PALS2: variants seen among roughly 807,000 people sequenced by gnomAD.
PALS2 encodes the protein protein PALS2.
Under a neutral mutation model 61.6 loss-of-function variants are expected in PALS2, and 27 were observed. That is an observed-to-expected ratio of 0.44 (90% CI 0.32 to 0.60). The LOEUF (loss-of-function observed/expected upper bound fraction) is 0.60. PALS2 is among the 20% of genes least tolerant of loss of function. The pLI, the probability that PALS2 is intolerant of heterozygous loss-of-function variation, is 0.05. For missense variants in PALS2, 554 were observed against 639.4 expected, an observed-to-expected ratio of 0.87 and a Z score of 1.44; for synonymous variants, 236 against 218.6, an observed-to-expected ratio of 1.08 and a Z score of -0.70.
intron 1 of PALS2, among the ~76,000 whole-genome samples, chr7:24,607,381 T>C (rs1244593820): frequency 1.3e-5 from 2 of 152,004 alleles, no homozygotes; most frequent in African/African-American, 4.8e-5. Context: ...TATGACAGTA[T>C]CTGACAATTG....
chr7:24,651,161 T>C (rs1308445186), intron 5 of PALS2, among the ~76,000 whole-genome samples: 1 of 152,228 alleles, frequency 6.6e-6, no homozygotes, highest in African/African-American at 2.4e-5. Context: ...CTTGGACCCC[T>C]GGTTTGCACA....
intron 1 of PALS2, among the ~76,000 whole-genome samples, chr7:24,607,180 T>G (rs577905491): frequency 6.6e-6 from 1 of 152,188 alleles, no homozygotes; most frequent in African/African-American, 2.4e-5. Context: ...TTAAAAATAC[T>G]ACATTGGGGA....
Position 24,681,464 on chromosome 7 carries a change from A to G in PALS2, c.1446+944A>G, listed in dbSNP as rs543766439. Among the ~76,000 whole-genome samples, 7 of 152,296 alleles carry G rather than the reference A, an allele frequency of 4.6e-5. No homozygotes were observed. In the East Asian group the frequency reaches 1.3e-3, roughly 29 times the overall value. ...TTTAAAACATACCATTAATACAACA[A>G]AAATTAATAAGCAGTATCTTACTAT... On this transcript the variant is annotated intron_variant, in intron 11 of 11. Coordinates refer to ENST00000222644, the MANE Select transcript of PALS2 (RefSeq NM_001303037.2).
At chr7:24,614,528 G>T (rs1173716645) in intron 1 of PALS2, among the ~76,000 whole-genome samples, 1 of 151,768 alleles carries the variant, frequency 6.6e-6, no homozygotes. Flanking sequence ...TAGTAAAAGG[G>T]TAAATTAAGC....
At chr7:24,673,270 C>T (rs6945926) in intron 9 of PALS2, among the ~76,000 whole-genome samples, 3,575 of 151,892 alleles carry the variant, frequency 0.024, 164 homozygotes, top group African/African-American at 0.082. Context: ...TATGATGTGC[C>T]GTCTTTTTTT....
chr7:24,591,519 A>T (rs1402497585), intron 1 of PALS2, among the ~76,000 whole-genome samples: 1 of 152,180 alleles, frequency 6.6e-6, no homozygotes, highest in Non-Finnish European at 1.5e-5. Context: ...AATACTAAGA[A>T]TTAGAGTACA....
intron 2 of PALS2, among the ~76,000 whole-genome samples, chr7:24,638,369 C>T (rs1203557442): frequency 2.8e-4 from 3 of 10,806 alleles, no homozygotes; most frequent in African/African-American, 3.8e-3. Context: ...CTCGCTCTGT[C>T]GCCCAGGCTG....
At chr7:24,644,025 C>T (rs1785697444) in intron 3 of PALS2, among the ~76,000 whole-genome samples, 3 of 151,176 alleles carry the variant, frequency 2.0e-5, no homozygotes, top group African/African-American at 7.3e-5. Flanking sequence ...AAATTCTGTT[C>T]TCTATCAACC....
intron 1 of PALS2, among the ~76,000 whole-genome samples, chr7:24,613,538 A>T (rs1784186851): frequency 6.6e-6 from 1 of 151,880 alleles, no homozygotes; most frequent in Admixed American, 6.6e-5. Context: ...TTTAGTGATC[A>T]GATCAGGATA....
At chr7:24,628,680 A>G (rs571299057) in intron 2 of PALS2, among the ~76,000 whole-genome samples, 2 of 152,340 alleles carry the variant, frequency 1.3e-5, no homozygotes, top group South Asian at 2.1e-4. Context: ...AAAAATCCCA[A>G]GCATTCCTAT....
At chr7:24,672,747 C>T (rs1291237451) in intron 9 of PALS2, among the ~76,000 whole-genome samples, 1 of 151,942 alleles carries the variant, frequency 6.6e-6, no homozygotes, top group Non-Finnish European at 1.5e-5. Context: ...TGTGTGTTGG[C>T]TTTGTCTTTT....
chr7:24,628,653 A>G (rs10250011), intron 2 of PALS2, among the ~76,000 whole-genome samples: 20,283 of 152,240 alleles, frequency 0.13, 1,666 homozygotes, highest in Admixed American at 0.24. Context: ...AAGTCTCAGG[A>G]TACAAAATCA....
intron 3 of PALS2, 64 bp downstream of exon 3, chr7:24,641,932 C>G (rs1265362842): frequency 1.1e-5 from 16 of 1,507,030 alleles, no homozygotes; most frequent in Non-Finnish European, 1.4e-5. Context: ...CCTTTACTTT[C>G]CAGTTTAAGG....
intron 11 of PALS2, among the ~76,000 whole-genome samples, chr7:24,681,911 C>T (rs79698503): frequency 0.069 from 10,537 of 152,150 alleles, 450 homozygotes; most frequent in African/African-American, 0.11. Flanking sequence ...ACTTTCTGAA[C>T]GTATGAAACA....
intron 11 of PALS2, among the ~76,000 whole-genome samples, chr7:24,681,461 A>G (rs539752135): frequency 2.0e-5 from 3 of 152,246 alleles, no homozygotes; most frequent in African/African-American, 7.2e-5. Context: ...CATTAATACA[A>G]CAAAAATTAA....
chr7:24,666,613 A>C (rs147732285), intron 8 of PALS2, among the ~76,000 whole-genome samples: 1 of 152,310 alleles, frequency 6.6e-6, no homozygotes, highest in Non-Finnish European at 1.5e-5. Context: ...AATGGTAACT[A>C]TATGAGGTGA....
intron 1 of PALS2, among the ~76,000 whole-genome samples, chr7:24,607,406 C>G (rs1783939069): frequency 6.6e-6 from 1 of 151,594 alleles, no homozygotes; most frequent in Non-Finnish European, 1.5e-5. Flanking sequence ...ATCATGTATC[C>G]TTTGATCTAG....
chr7:24,638,566 C>T (rs1056946800), intron 2 of PALS2, among the ~76,000 whole-genome samples: 1 of 45,210 alleles, frequency 2.2e-5, no homozygotes, highest in Non-Finnish European at 3.4e-5. Flanking sequence ...CTCCTGACCT[C>T]GTGATCCGCC....
At chr7:24,624,043 C>T in intron 2 of PALS2, 2 of 1,304,180 alleles carry the variant, frequency 1.5e-6, no homozygotes, top group Non-Finnish European at 2.1e-6. Flanking sequence ...ATCATACCTG[C>T]ACAGTTGTGT....
Sources: gnomAD v4.1 joint callset for allele counts (sites outside exome capture counted in the v4.1 genomes callset) on GRCh38, gnomAD v4.1.1 for gene constraint, MANE v1.5 for transcripts, NCBI Gene and HGNC (gene_info 2026-07-23, HGNC 2026-07-21) for gene names.